XKRX: variants seen among roughly 807,000 people sequenced by gnomAD.
XKRX encodes XK-related protein 2.
A neutral mutation model predicts 22.4 loss-of-function variants in XKRX; 11 were observed. The observed-to-expected ratio is 0.49, with a 90% CI of 0.31 to 0.81. XKRX has a LOEUF of 0.81. XKRX is among the 40% of genes least tolerant of loss of function. The probability of loss-of-function intolerance (pLI) is 0.05; values close to 1 mark genes in which losing one functional copy is unlikely to be tolerated. For missense variants in XKRX, 320 were observed against 336.5 expected (o/e 0.95, Z 0.38); for synonymous variants, 114 against 132.2 (o/e 0.86, Z 0.94).
intron 1 of XKRX, among the ~76,000 whole-genome samples, chrX:100,923,940 G>A (rs1258404301): frequency 3.9e-5 from 4 of 102,782 alleles, no homozygotes; most frequent in Admixed American, 1.1e-4. Context: ...GGGTTCAAGC[G>A]ATTCTCCTGC....
upstream of XKRX, among the ~76,000 whole-genome samples, chrX:100,931,454 C>A (rs756698429): frequency 1.8e-5 from 2 of 111,204 alleles, no homozygotes; most frequent in South Asian, 7.6e-4. Flanking sequence ...CTTGTTGATG[C>A]GATTTACAAC....
chrX:100,901,079 C>T, the XKRX span, among the ~76,000 whole-genome samples: 12 of 111,345 alleles, frequency 1.1e-4, no homozygotes, highest in African/African-American at 1.6e-4. Flanking sequence ...CGTGAGCCAC[C>T]GCACCTGGCC....
At chrX:100,897,593 A>ATATGTGTGTG in the XKRX span, among the ~76,000 whole-genome samples, 8 of 66,462 alleles carry the variant, frequency 1.2e-4, no homozygotes, top group African/African-American at 3.6e-4. Flanking sequence ...AAATATATAT[A>ATATGTGTGTG]TGTGTGTGTG....
the XKRX span, among the ~76,000 whole-genome samples, chrX:100,948,583 T>C: frequency 8.9e-6 from 1 of 112,512 alleles, no homozygotes; most frequent in African/African-American, 3.2e-5. Context: ...TTTCCTTTAG[T>C]TAAATGACTA....
the XKRX span, among the ~76,000 whole-genome samples, chrX:100,898,312 T>C: frequency 9.0e-6 from 1 of 110,749 alleles, no homozygotes; most frequent in Non-Finnish European, 1.9e-5. Context: ...GAGGAAACAA[T>C]ACAGACCTCT....
the XKRX span, among the ~76,000 whole-genome samples, chrX:100,889,449 C>T: frequency 9.2e-6 from 1 of 109,268 alleles, no homozygotes; most frequent in African/African-American, 3.3e-5. Flanking sequence ...ATCATCCAGA[C>T]TGGTCTCGAA....
the XKRX span, among the ~76,000 whole-genome samples, chrX:100,951,320 T>C: frequency 1.9e-5 from 2 of 105,381 alleles, no homozygotes; most frequent in African/African-American, 6.9e-5. Context: ...CATTTGCCAC[T>C]TGGGCAATAG....
chrX:100,926,526 A>G (rs2085498745), intron 1 of XKRX, among the ~76,000 whole-genome samples: 1 of 112,269 alleles, frequency 8.9e-6, no homozygotes, highest in Non-Finnish European at 1.9e-5. Context: ...AGTTTCACAG[A>G]CTTTTTAGTT....
At chrX:100,899,463 C>T in the XKRX span, among the ~76,000 whole-genome samples, 1 of 112,011 alleles carries the variant, frequency 8.9e-6, no homozygotes, top group African/African-American at 3.2e-5. Flanking sequence ...TACAGTGAGC[C>T]GAGATCATGC....
the XKRX span, among the ~76,000 whole-genome samples, chrX:100,904,528 T>C: frequency 8.9e-6 from 1 of 112,526 alleles, no homozygotes; most frequent in South Asian, 3.7e-4. Context: ...AGCTTTCAAC[T>C]TCATTCTTAA....
rs72334101 is a variant in XKRX at position 100,916,077 on chromosome X, C to CCACACACA, written c.605-1002_605-995dup. The stretch of plus-strand genomic sequence containing the variant: ...TAAAGAGAGTAGATCTTAAGTTTTA[C>CCACACACA]CACACACACACACACACACACACAC... On this transcript the variant is annotated intron_variant, in intron 2 of 2. Coordinates refer to ENST00000372956, the MANE Select transcript of XKRX (RefSeq NM_212559.3). Among the ~76,000 whole-genome samples, 240 of 97,055 alleles carry CCACACACA rather than the reference C, an allele frequency of 2.5e-3. 1 individual carries two copies. Among genetic ancestry groups the CCACACACA allele is most frequent in the African/African-American group, 5.7e-3 (154 of 26,948 alleles). 84.3% of individuals were successfully genotyped at this position (97,055 alleles called of 115,157 possible). A position where few individuals can be genotyped will look rare whatever the true frequency, so the allele number is the denominator to read the frequency against.
chrX:100,936,899 G>A, the XKRX span, among the ~76,000 whole-genome samples: 35 of 107,780 alleles, frequency 3.2e-4, 1 homozygote, highest in East Asian at 7.9e-3. Flanking sequence ...ATTACAATTC[G>A]AGATAAGATT....
chrX:100,917,712 AAG>A (rs2085451108), intron 2 of XKRX, among the ~76,000 whole-genome samples: 1 of 108,290 alleles, frequency 9.2e-6, no homozygotes, highest in South Asian at 4.1e-4. Flanking sequence ...GAAAGAAAGA[AAG>A]AAAGAAAGAA....
rs758050733 is a variant in XKRX at position 100,922,921 on chromosome X, C to T, written c.476G>A (p.Arg159Gln). ...GGCATTGCGGTGCATAGCCAGGGTCCGGATGGAGTGGCCCACCTCCCATTC... is the reference window on the plus strand; with the variant it reads ...GGCATTGCGGTGCATAGCCAGGGTCTGGATGGAGTGGCCCACCTCCCATTC... ...LIEWEVGHSI[R>Q]TLAMHRNAYK... Residue 159 changes from arginine to glutamine, a missense_variant, in exon 2 of 3, where the codon CGG (arginine) becomes CAG (glutamine). Transcript: ENST00000372956. 6 of 1,209,446 alleles carry T rather than the reference C, an allele frequency of 5.0e-6. No individual in the cohort carries two copies. The highest frequency in any genetic ancestry group is 3.5e-5 in the African/African-American group (2 of 57,036).
At chrX:100,896,763 G>C in the XKRX span, among the ~76,000 whole-genome samples, 507 of 111,724 alleles carry the variant, frequency 4.5e-3, 12 homozygotes, top group Admixed American at 0.037. Context: ...CCGGGAGTTT[G>C]AGGCTGCAGT....
At position 100,914,310 on chromosome X, in the gene XKRX, C is replaced by T. The variant is rs2085420178; in HGVS notation, c.*28G>A. On this transcript the variant is annotated 3_prime_UTR_variant, in exon 3 of 3. Transcript: ENST00000372956. ...CATGGTTACTCTTGGCAACTCCCAA[C>T]TCTTCCTAAAATACCCAGAAAATAG... 7 of 1,192,417 alleles carry T rather than the reference C, an allele frequency of 5.9e-6. No individual in the cohort carries two copies. In the Admixed American group the frequency reaches 1.6e-4, roughly 27 times the overall value.
chrX:100,922,783 C>T lies in XKRX; in HGVS notation c.604+10G>A. The T allele has an allele frequency of 8.3e-7, 1 of 1,205,745 alleles. No homozygotes were observed. The highest frequency in any genetic ancestry group is 1.1e-6 in the Non-Finnish European group (1 of 891,175). On this transcript the variant is annotated intron_variant, in intron 2 of 2. Coordinates refer to ENST00000372956, the MANE Select transcript of XKRX (RefSeq NM_212559.3). The stretch of plus-strand genomic sequence containing the variant: ...TAACTGGAGCCCTCCCCTCTCCTGA[C>T]CCCACTCACCTCTACCCAGGGGAAC...
chrX:100,914,029 C>A lies in XKRX; in HGVS notation c.*309G>T, dbSNP rs1372101649. ...AAATGCATCAAGCAAATGAGCAGAG[C>A]TAGAAGGTCACTTTAGAGAGCCTAA... On this transcript the variant is annotated 3_prime_UTR_variant, in exon 3 of 3. Coordinates refer to ENST00000372956, the MANE Select transcript of XKRX (RefSeq NM_212559.3). 2.7e-5 allele frequency: 7 copies of A among 260,816 alleles called. No individual in the cohort carries two copies. The highest frequency in any genetic ancestry group is 1.6e-4 in the African/African-American group (6 of 36,793). 21.5% of individuals were successfully genotyped at this position (260,816 alleles called of 1,213,427 possible).
At chrX:100,930,122 C>T (rs1268960916), upstream of XKRX, among the ~76,000 whole-genome samples, 1 of 108,555 alleles carries the variant, frequency 9.2e-6, no homozygotes, top group Non-Finnish European at 1.9e-5. Context: ...AACCCCATCT[C>T]TACTAAAAAT....
Sources: allele counts gnomAD v4.1 joint callset (sites outside exome capture counted in the v4.1 genomes callset), GRCh38; gene constraint gnomAD v4.1.1; transcripts MANE v1.5; gene names NCBI Gene and HGNC (gene_info 2026-07-23, HGNC 2026-07-21).